Variants in MED12L observed in about 807,000 individuals in gnomAD.
The protein encoded by MED12L is mediator of RNA polymerase II transcription subunit 12-like protein.
MED12L carries 60 observed loss-of-function variants against 281.3 expected under a neutral mutation model. That is an observed-to-expected ratio of 0.21 (90% CI 0.17 to 0.26). The LOEUF is 0.26. Ranked by LOEUF, MED12L falls within the 10% of genes least tolerant of loss-of-function variation. The pLI is 1.00. For synonymous variants in MED12L, 974 were observed against 987.2 expected (o/e 0.99, Z 0.25); for missense variants, 2,146 against 2,680.9 (o/e 0.80, Z 4.41).
chr3:151,184,786 GTGTT>G (rs1163857625), intron 11 of MED12L, among the ~76,000 whole-genome samples: 1 of 152,118 alleles, frequency 6.6e-6, no homozygotes, highest in African/African-American at 2.4e-5. Context: ...GTCATTTTTC[GTGTT>G]TGTTATTTCC....
Position 151,201,793 on chromosome 3 carries a change from A to T in MED12L, c.2250+8127A>T, listed in dbSNP as rs142505527. ...ATGTGAAAAACTAGTATTCGTGTGC[A>T]TTGATATAGTGTCACATCTTTGCTT... On this transcript the variant is annotated intron_variant, in intron 16 of 44. Coordinates refer to ENST00000687756, the MANE Select transcript of MED12L (RefSeq NM_001393769.1). Among the ~76,000 whole-genome samples the T allele has an allele frequency of 4.5e-4, 68 of 152,362 alleles. 1 individual carries two copies. The highest frequency in any genetic ancestry group is 1.5e-3 in the African/African-American group (64 of 41,582).
chr3:151,361,707 G>C (rs368810611), intron 21 of MED12L, among the ~76,000 whole-genome samples: 7 of 152,250 alleles, frequency 4.6e-5, no homozygotes, highest in African/African-American at 1.7e-4. Context: ...GTAAGTGTGA[G>C]AGACAATATT....
At chr3:151,281,623 G>T (rs1742825734) in intron 16 of MED12L, among the ~76,000 whole-genome samples, 1 of 152,058 alleles carries the variant, frequency 6.6e-6, no homozygotes, top group Admixed American at 6.5e-5. Flanking sequence ...GTGGTGTTTT[G>T]ATTTATGCTA....
At chr3:151,190,962 C>G (rs1163528937) in intron 14 of MED12L, 31 bp downstream of exon 14, 2 of 1,592,042 alleles carry the variant, frequency 1.3e-6, no homozygotes, top group Non-Finnish European at 1.7e-6. Flanking sequence ...CCCCACTCCC[C>G]CAGAAACTAA....
At chr3:151,428,734 A>G (rs1560154670) in intron 43 of MED12L, among the ~76,000 whole-genome samples, 1 of 152,186 alleles carries the variant, frequency 6.6e-6, no homozygotes, top group Non-Finnish European at 1.5e-5. Context: ...TTGCCACATA[A>G]AATACACGGC....
intron 11 of MED12L, among the ~76,000 whole-genome samples, chr3:151,175,798 CT>C (rs1197702990): frequency 6.6e-6 from 1 of 152,204 alleles, no homozygotes; most frequent in African/African-American, 2.4e-5. Context: ...TGTTGAAAAC[CT>C]TTCTTCACAT....
chr3:151,216,823 G>C (rs1728326579), intron 16 of MED12L, among the ~76,000 whole-genome samples: 3 of 152,158 alleles, frequency 2.0e-5, no homozygotes. Context: ...GCTGTCTACT[G>C]TGACTAAGAG....
At chr3:151,347,898 G>A (rs953760241) in intron 16 of MED12L, among the ~76,000 whole-genome samples, 1 of 152,182 alleles carries the variant, frequency 6.6e-6, no homozygotes, top group Admixed American at 6.5e-5. Context: ...GGCACAACCA[G>A]TATGCAGTCA....
intron 9 of MED12L, 137 bp downstream of exon 9, chr3:151,164,179 C>T (rs901372850): frequency 1.1e-6 from 1 of 879,896 alleles, no homozygotes; most frequent in Non-Finnish European, 1.7e-6. Context: ...TCTGGGTGAC[C>T]TTAGAGAATT....
chr3:151,325,150 A>T (rs1268713814), intron 16 of MED12L, among the ~76,000 whole-genome samples: 1 of 152,204 alleles, frequency 6.6e-6, no homozygotes, highest in Non-Finnish European at 1.5e-5. Context: ...TTTATAAGTT[A>T]TGACATAATG....
rs767668236 is a variant in MED12L at position 151,372,590 on chromosome 3, A to G, written c.3688A>G (p.Ser1230Gly). 1.2e-6 allele frequency: 2 copies of G among 1,613,842 alleles called. No homozygotes were observed. Among genetic ancestry groups the G allele is most frequent in the Non-Finnish European group, 8.5e-7 (1 of 1,179,786 alleles). Residue 1230 changes from serine to glycine, a missense_variant, in exon 27 of 45, where the codon AGT becomes GGT. Ser to Gly is a moderately conservative substitution (Grantham distance 56). Transcript: ENST00000687756. ...MLGDAKIGNN[S>G]VSSLKNDDFT... ...AGGAGATGCCAAAATTGGCAATAAC[A>G]GTGTCAGCTCTTTAAAGAATGATGA...
intron 40 of MED12L, among the ~76,000 whole-genome samples, chr3:151,410,266 G>A (rs1490809142): frequency 1.3e-5 from 2 of 152,134 alleles, no homozygotes; most frequent in East Asian, 1.9e-4. Flanking sequence ...TTCTGTATTC[G>A]TATACTCTCA....
intron 16 of MED12L, among the ~76,000 whole-genome samples, chr3:151,241,498 C>T (rs926720270): frequency 6.6e-6 from 1 of 152,028 alleles, no homozygotes; most frequent in Admixed American, 6.6e-5. Flanking sequence ...AGCATCTTCC[C>T]CTATAATGGA....
At chr3:151,335,039 G>A (rs1245345507) in intron 16 of MED12L, among the ~76,000 whole-genome samples, 5 of 151,998 alleles carry the variant, frequency 3.3e-5, no homozygotes, top group Non-Finnish European at 2.9e-5. Flanking sequence ...TTGAAAAGGG[G>A]TACACGTGAT....
At chr3:151,118,893 G>A (rs1430376894) in intron 3 of MED12L, among the ~76,000 whole-genome samples, 1 of 152,094 alleles carries the variant, frequency 6.6e-6, no homozygotes, top group East Asian at 1.9e-4. Flanking sequence ...CACCATGTTG[G>A]CCAGGATGGT....
At chr3:151,213,696 A>G (rs1432770424) in intron 16 of MED12L, 11 of 1,614,254 alleles carry the variant, frequency 6.8e-6, no homozygotes, top group Non-Finnish European at 7.6e-6. Flanking sequence ...TTGTGATAGC[A>G]GTATAGAAAA....
At position 151,185,517 on chromosome 3, in the gene MED12L, G is replaced by T; in HGVS notation, c.1626+56G>T. ...TGCCGTAATGTAAAAATACTGTTTTGGGGAAGATCATTTTCTCTTACCCTC... is the reference window on the plus strand; with the variant it reads ...TGCCGTAATGTAAAAATACTGTTTTTGGGAAGATCATTTTCTCTTACCCTC... On this transcript the variant is annotated intron_variant, in intron 12 of 44. Transcript: ENST00000687756. 5 of 1,586,040 alleles carry T rather than the reference G, an allele frequency of 3.2e-6. No homozygotes were observed. In the East Asian group the frequency reaches 9.0e-5, roughly 29 times the overall value.
chr3:151,397,545 T>C (rs985078112), intron 39 of MED12L, among the ~76,000 whole-genome samples: 6 of 152,212 alleles, frequency 3.9e-5, no homozygotes, highest in South Asian at 2.1e-4. Context: ...TTAGCAAATA[T>C]GGTCTTATGG....
chr3:151,395,373 A>G (rs1264343521), intron 39 of MED12L, among the ~76,000 whole-genome samples: 2 of 152,246 alleles, frequency 1.3e-5, no homozygotes, highest in African/African-American at 4.8e-5. Context: ...CAGATAAATT[A>G]TAAACAACAG....
Sources: gnomAD v4.1 joint callset for allele counts (sites outside exome capture counted in the v4.1 genomes callset) on GRCh38, gnomAD v4.1.1 for gene constraint, MANE v1.5 for transcripts, NCBI Gene and HGNC (gene_info 2026-07-23, HGNC 2026-07-21) for gene names.